Variants in STX8 observed in about 807,000 individuals in gnomAD.
STX8 encodes syntaxin 8.
Under a neutral mutation model 37.5 loss-of-function variants are expected in STX8, and 23 were observed. That is an observed-to-expected ratio of 0.61 (90% confidence interval 0.44 to 0.87). STX8 has a LOEUF of 0.87. STX8 is among the 40% of genes least tolerant of loss of function. The pLI, the probability that STX8 is intolerant of heterozygous loss-of-function variation, is 0.00. For missense variants in STX8, 313 were observed against 284.7 expected, an observed-to-expected ratio of 1.10 and a Z score of -0.71; for synonymous variants, 115 against 99.1, an observed-to-expected ratio of 1.16 and a Z score of -0.95.
At chr17:9,405,683 C>G (rs11867783) in intron 6 of STX8, among the ~76,000 whole-genome samples, 33,691 of 152,088 alleles carry the variant, frequency 0.22, 4,170 homozygotes, top group South Asian at 0.37. Context: ...TTTCCCCCCA[C>G]CAGAATTGGT....
intron 6 of STX8, among the ~76,000 whole-genome samples, chr17:9,485,358 G>C (rs1358543307): frequency 1.3e-5 from 2 of 152,064 alleles, no homozygotes; most frequent in Non-Finnish European, 2.9e-5. Context: ...AGATGAAGAA[G>C]GCATTCATGG....
intron 7 of STX8, among the ~76,000 whole-genome samples, chr17:9,348,828 T>C (rs80207176): frequency 0.015 from 2,345 of 152,320 alleles, 61 homozygotes; most frequent in African/African-American, 0.054. Context: ...TGCTTTGGTT[T>C]GGCTTCCTAC....
chr17:9,421,431 C>T (rs1355795586), intron 6 of STX8, among the ~76,000 whole-genome samples: 6 of 94,658 alleles, frequency 6.3e-5, no homozygotes, highest in African/African-American at 1.0e-4. Context: ...TTTTTTTTTG[C>T]AGATTATATA....
At chr17:9,492,027 G>GA (rs1555531582) in intron 5 of STX8, 106 bp from the exon 6 acceptor site, 218 of 683,290 alleles carry the variant, frequency 3.2e-4, no homozygotes, top group South Asian at 4.3e-4. Context: ...AATCAGTCAG[G>GA]AAAAAAAAGA....
chr17:9,309,985 ATAGTCAAGTTGACTCTTAT>A (rs145802729), intron 7 of STX8, among the ~76,000 whole-genome samples: 18,804 of 151,806 alleles, frequency 0.12, 3,403 homozygotes, highest in African/African-American at 0.4. Flanking sequence ...ATATTTGTCA[ATAGTCAAGTTGACTCTTAT>A]TAGTCAAGTT....
chr17:9,359,977 G>A (rs942779387), intron 7 of STX8, among the ~76,000 whole-genome samples: 4 of 152,032 alleles, frequency 2.6e-5, no homozygotes, highest in South Asian at 2.1e-4. Flanking sequence ...GGAGTGGGGA[G>A]AAGGTTAAAG....
chr17:9,360,302 G>A (rs942808963), intron 7 of STX8, among the ~76,000 whole-genome samples: 4 of 131,094 alleles, frequency 3.1e-5, no homozygotes, highest in Admixed American at 9.2e-5. Flanking sequence ...TGGTGCCATC[G>A]CAGCTCACTG....
chr17:9,349,400 A>G (rs2142242809), intron 7 of STX8, among the ~76,000 whole-genome samples: 1 of 135,830 alleles, frequency 7.4e-6, no homozygotes, highest in Middle Eastern at 5.0e-3. Flanking sequence ...GCCTCACTGT[A>G]ACCTCCGCCT....
chr17:9,450,058 A>T lies in STX8; in HGVS notation c.541+41771T>A, dbSNP rs182615324. On this transcript the variant is annotated intron_variant, in intron 6 of 7. Transcript: ENST00000306357. ...TATCAAAACTCATTAAATTGTTCATAAAAAAAAGATGAAATTTGCTACATG... is the reference window on the plus strand; with the variant it reads ...TATCAAAACTCATTAAATTGTTCATTAAAAAAAGATGAAATTTGCTACATG... Among the ~76,000 whole-genome samples, 444 of 99,640 alleles carry T rather than the reference A, an allele frequency of 4.5e-3. 11 individuals carry two copies. The highest frequency in any genetic ancestry group is 0.015 in the African/African-American group (408 of 26,974). 65.4% of individuals were successfully genotyped at this position (99,640 alleles called of 152,430 possible). A position where few individuals can be genotyped will look rare whatever the true frequency, so the allele number is the denominator to read the frequency against.
chr17:9,279,409 C>T (rs1336858409), intron 7 of STX8, among the ~76,000 whole-genome samples: 1 of 152,138 alleles, frequency 6.6e-6, no homozygotes, highest in Admixed American at 6.5e-5. Context: ...ATTAATGAAC[C>T]TGACGCTCAG....
chr17:9,267,597 C>T (rs1907275417), intron 7 of STX8, among the ~76,000 whole-genome samples: 1 of 152,200 alleles, frequency 6.6e-6, no homozygotes, highest in South Asian at 2.1e-4. Context: ...TCTTGAAAAC[C>T]TTCTCTAGCT....
intron 6 of STX8, among the ~76,000 whole-genome samples, chr17:9,411,267 T>G (rs555145025): frequency 6.6e-6 from 1 of 152,342 alleles, no homozygotes; most frequent in South Asian, 2.1e-4. Flanking sequence ...ATGTTCTCAA[T>G]GTCTCTCTGA....
chr17:9,428,150 T>C (rs11653342), intron 6 of STX8, among the ~76,000 whole-genome samples: 68,153 of 151,656 alleles, frequency 0.45, 15,570 homozygotes, highest in Middle Eastern at 0.54. Context: ...GAACAGGGGG[T>C]AGTCATCCTG....
At chr17:9,391,142 CA>C (rs1597642687) in intron 6 of STX8, among the ~76,000 whole-genome samples, 1 of 152,064 alleles carries the variant, frequency 6.6e-6, no homozygotes, top group Non-Finnish European at 1.5e-5. Context: ...CATTACGAGA[CA>C]CCCTCACCTT....
intron 4 of STX8, among the ~76,000 whole-genome samples, chr17:9,531,293 C>T (rs563412996): frequency 2.6e-4 from 39 of 152,266 alleles, no homozygotes; most frequent in African/African-American, 8.9e-4. Context: ...CTGTAATCAG[C>T]TTCTCAAGTG....
At chr17:9,440,112 A>C (rs1016482045) in intron 6 of STX8, among the ~76,000 whole-genome samples, 8 of 152,172 alleles carry the variant, frequency 5.3e-5, no homozygotes, top group African/African-American at 1.9e-4. Context: ...GGAAAAGGGC[A>C]AAAGGAAGGA....
At chr17:9,310,735 A>C (rs1205216374) in intron 7 of STX8, among the ~76,000 whole-genome samples, 1 of 152,106 alleles carries the variant, frequency 6.6e-6, no homozygotes, top group Non-Finnish European at 1.5e-5. Context: ...AAATACCTGA[A>C]GCTTGGAGAG....
chr17:9,333,669 G>C (rs898195314), intron 7 of STX8, among the ~76,000 whole-genome samples: 1 of 152,236 alleles, frequency 6.6e-6, no homozygotes, highest in South Asian at 2.1e-4. Flanking sequence ...GATTACAGGC[G>C]TGAGCCACGG....
At chr17:9,370,157 G>A (rs1911359757) in intron 7 of STX8, among the ~76,000 whole-genome samples, 1 of 151,984 alleles carries the variant, frequency 6.6e-6, no homozygotes, top group South Asian at 2.1e-4. Flanking sequence ...GGAGGTTGCA[G>A]TGAGCCGAGA....
Sources: allele counts gnomAD v4.1 joint callset (sites outside exome capture counted in the v4.1 genomes callset), GRCh38; gene constraint gnomAD v4.1.1; transcripts MANE v1.5; gene names NCBI Gene and HGNC (gene_info 2026-07-23, HGNC 2026-07-21).